The following IL1RAPL2 variants were observed in gnomAD, a reference collection of about 807,000 sequenced individuals.
IL1RAPL2 encodes X-linked interleukin-1 receptor accessory protein-like 2.
IL1RAPL2 carries 3 observed loss-of-function variants against 44.1 expected under a neutral mutation model. The ratio of observed to expected loss-of-function variants is 0.07; its 90% CI spans 0.03 to 0.18. The LOEUF (loss-of-function observed/expected upper bound fraction) is 0.18, where lower values mean the gene tolerates loss of function less well. Ranked by LOEUF, IL1RAPL2 falls within the 10% of genes least tolerant of loss-of-function variation. IL1RAPL2 has a pLI of 1.00. For missense variants in IL1RAPL2, 391 were observed against 496.4 expected (o/e 0.79, Z 2.02); for synonymous variants, 181 against 178.8 (o/e 1.01, Z -0.10).
At chrX:105,039,756 C>A (rs1003263028) in intron 2 of IL1RAPL2, among the ~76,000 whole-genome samples, 3 of 111,661 alleles carry the variant, frequency 2.7e-5, no homozygotes, top group African/African-American at 9.8e-5. Context: ...GCTGAAGTTG[C>A]TTATCAGCTT....
intron 2 of IL1RAPL2, among the ~76,000 whole-genome samples, chrX:104,842,304 G>T (rs1225498289): frequency 1.8e-5 from 2 of 110,257 alleles, no homozygotes; most frequent in African/African-American, 6.6e-5. Flanking sequence ...TTTTATGAAG[G>T]TTCTTAGCTT....
chrX:105,052,146 C>T (rs2031936104), intron 2 of IL1RAPL2, among the ~76,000 whole-genome samples: 2 of 112,303 alleles, frequency 1.8e-5, no homozygotes. Context: ...GCTCTTTGAT[C>T]TTGCAGCTCT....
At chrX:104,596,776 G>A (rs1317508749) in intron 1 of IL1RAPL2, among the ~76,000 whole-genome samples, 1 of 111,212 alleles carries the variant, frequency 9.0e-6, no homozygotes, top group Admixed American at 9.6e-5. Flanking sequence ...AATTAAGAAC[G>A]TTTTCCAGAA....
At chrX:105,243,347 C>T (rs1002313340) in intron 4 of IL1RAPL2, among the ~76,000 whole-genome samples, 1 of 108,979 alleles carries the variant, frequency 9.2e-6, no homozygotes, top group South Asian at 4.0e-4. Flanking sequence ...CTTGTTTCCC[C>T]TTCATCTTCT....
chrX:104,906,658 A>T (rs1006634030), intron 2 of IL1RAPL2, among the ~76,000 whole-genome samples: 1 of 111,851 alleles, frequency 8.9e-6, no homozygotes, highest in Non-Finnish European at 1.9e-5. Context: ...GATGAAGCCC[A>T]CTTGATCATG....
intron 3 of IL1RAPL2, among the ~76,000 whole-genome samples, chrX:105,226,146 T>C (rs2034012173): frequency 9.0e-6 from 1 of 111,211 alleles, no homozygotes; most frequent in Admixed American, 9.6e-5. Flanking sequence ...TCTTCTGTAA[T>C]ACAACCCAAT....
intron 2 of IL1RAPL2, among the ~76,000 whole-genome samples, chrX:105,153,913 G>T (rs935091244): frequency 3.6e-5 from 4 of 111,361 alleles, no homozygotes; most frequent in Non-Finnish European, 5.7e-5. Flanking sequence ...TTAAAAGGGT[G>T]TCAGACTCTC....
chrX:104,997,375 AGT>A (rs1315934552), intron 2 of IL1RAPL2, among the ~76,000 whole-genome samples: 2 of 112,033 alleles, frequency 1.8e-5, no homozygotes, highest in Non-Finnish European at 3.8e-5. Context: ...ATACTTTAAA[AGT>A]GTGGGTATTA....
chrX:105,437,127 G>T (rs2035887799), intron 5 of IL1RAPL2, among the ~76,000 whole-genome samples: 1 of 108,152 alleles, frequency 9.2e-6, no homozygotes, highest in Non-Finnish European at 1.9e-5. Context: ...GTAATAGTGA[G>T]AATTCATTTG....
At chrX:105,142,863 T>C (rs1202125935) in intron 2 of IL1RAPL2, among the ~76,000 whole-genome samples, 3 of 109,539 alleles carry the variant, frequency 2.7e-5, no homozygotes, top group Non-Finnish European at 5.7e-5. Flanking sequence ...CACCTATGAG[T>C]GACAACATGC....
At chrX:105,713,144 C>T (rs2038225512) in intron 6 of IL1RAPL2, among the ~76,000 whole-genome samples, 1 of 111,966 alleles carries the variant, frequency 8.9e-6, no homozygotes, top group South Asian at 3.7e-4. Flanking sequence ...GTGCATGATG[C>T]AAGATGTCAG....
At chrX:105,074,153 T>A (rs946716696) in intron 2 of IL1RAPL2, among the ~76,000 whole-genome samples, 1 of 111,889 alleles carries the variant, frequency 8.9e-6, no homozygotes, top group Non-Finnish European at 1.9e-5. Flanking sequence ...CAGGTTTTCT[T>A]CTAGGGTTTT....
rs778760735 is a variant in IL1RAPL2 at position 105,749,013 on chromosome X, C to A, written c.1102C>A (p.Leu368Ile). The change falls in exon 9 of 11, where the codon CTT (leucine) becomes ATT (isoleucine). Residue 368 changes from leucine (L) to isoleucine (I), a missense_variant. Leu to Ile is a conservative substitution (Grantham distance 5). Coordinates refer to ENST00000372582, the MANE Select transcript of IL1RAPL2 (RefSeq NM_017416.2). Reference protein sequence around the residue: ...AGGLGAIFLLLVLLVVIYKCY... With the variant: ...AGGLGAIFLLIVLLVVIYKCY... ...GGGCCTGGGAGCAATCTTCCTCCTC[C>A]TTGTACTGCTGGTGGTCATTTACAA... The A allele has an allele frequency of 2.5e-6, 3 of 1,207,021 alleles. No individual in the cohort carries two copies. The South Asian group carries it at 5.3e-5, about 21-fold the overall frequency.
intron 6 of IL1RAPL2, among the ~76,000 whole-genome samples, chrX:105,500,344 G>GA (rs750793639): frequency 0.046 from 4,727 of 102,701 alleles, 302 homozygotes; most frequent in African/African-American, 0.15. Flanking sequence ...TTACTACAAT[G>GA]AAAAAAAAAA....
intron 5 of IL1RAPL2, among the ~76,000 whole-genome samples, chrX:105,381,322 T>C (rs1008435229): frequency 8.9e-6 from 1 of 111,920 alleles, no homozygotes; most frequent in African/African-American, 3.2e-5. Context: ...ACTGTGCTAC[T>C]TCATCAGACA....
At chrX:105,160,837 C>T (rs1029452370) in intron 2 of IL1RAPL2, among the ~76,000 whole-genome samples, 1 of 111,961 alleles carries the variant, frequency 8.9e-6, no homozygotes, top group African/African-American at 3.2e-5. Context: ...AGGAAGAAAA[C>T]TAAACAGAAT....
chrX:105,163,791 T>C (rs2033347755), intron 2 of IL1RAPL2, among the ~76,000 whole-genome samples: 1 of 110,923 alleles, frequency 9.0e-6, no homozygotes, highest in African/African-American at 3.3e-5. Context: ...TAGTTAGGCT[T>C]GGCCCTAAGT....
chrX:105,093,109 T>C (rs1365887494), intron 2 of IL1RAPL2, among the ~76,000 whole-genome samples: 1 of 109,776 alleles, frequency 9.1e-6, no homozygotes, highest in Non-Finnish European at 1.9e-5. Flanking sequence ...TTGTCTAGGG[T>C]ATGCTTCCAC....
intron 1 of IL1RAPL2, among the ~76,000 whole-genome samples, chrX:104,634,251 G>A (rs1929734767): frequency 1.8e-5 from 2 of 111,277 alleles, no homozygotes; most frequent in South Asian, 7.6e-4. Flanking sequence ...GCTGAGGAGT[G>A]GTTTACTTCC....
Sources: gnomAD v4.1 joint callset for allele counts (sites outside exome capture counted in the v4.1 genomes callset) on GRCh38, gnomAD v4.1.1 for gene constraint, MANE v1.5 for transcripts, NCBI Gene and HGNC (gene_info 2026-07-23, HGNC 2026-07-21) for gene names.